GLI2: variants seen among roughly 807,000 people sequenced by gnomAD.
GLI2 encodes transcription activator GLI2.
Under a neutral mutation model 78.9 loss-of-function variants are expected in GLI2, and 22 were observed. That is an observed-to-expected ratio of 0.28 (90% CI 0.20 to 0.40). The LOEUF (loss-of-function observed/expected upper bound fraction) is 0.40, where lower values mean the gene tolerates loss of function less well. Among genes scored for constraint, GLI2 ranks in the 10% least tolerant of loss-of-function variants. The probability of loss-of-function intolerance (pLI) is 1.00; values close to 1 mark genes in which losing one functional copy is unlikely to be tolerated. For synonymous variants in GLI2, 974 were observed against 963.7 expected (o/e 1.01, Z -0.20); for missense variants, 2,097 against 2,213.2 (o/e 0.95, Z 1.05).
intron 2 of GLI2, among the ~76,000 whole-genome samples, chr2:120,887,861 G>A (rs1047706155): frequency 6.6e-5 from 10 of 152,192 alleles, no homozygotes; most frequent in Non-Finnish European, 1.5e-5. Context: ...GGATCCTAAC[G>A]CAGTGCTAGA....
chr2:120,803,675 T>G (rs1020362126), intron 2 of GLI2, among the ~76,000 whole-genome samples: 3 of 152,218 alleles, frequency 2.0e-5, no homozygotes, highest in Admixed American at 2.0e-4. Context: ...CTCTCTGACT[T>G]GGTCTTTTCC....
At chr2:120,792,134 A>G (rs1684179227) in intron 1 of GLI2, 1 of 152,226 alleles carries the variant, frequency 6.6e-6, no homozygotes, top group Non-Finnish European at 1.5e-5. Flanking sequence ...AGAGGAGTTC[A>G]AAGAAACCAG....
At chr2:120,914,717 G>A (rs574516082) in intron 2 of GLI2, among the ~76,000 whole-genome samples, 2 of 152,154 alleles carry the variant, frequency 1.3e-5, no homozygotes, top group African/African-American at 2.4e-5. Flanking sequence ...TGGCCACACC[G>A]GCACCCTTCG....
intron 5 of GLI2, among the ~76,000 whole-genome samples, chr2:120,966,531 C>G (rs181791662): frequency 6.6e-6 from 1 of 152,338 alleles, no homozygotes. Context: ...AGAGAAAACC[C>G]TGGAAGCCCC....
intron 2 of GLI2, among the ~76,000 whole-genome samples, chr2:120,848,856 C>T (rs1045721483): frequency 1.3e-5 from 2 of 152,124 alleles, no homozygotes; most frequent in African/African-American, 2.4e-5. Context: ...CTCTGGAGAG[C>T]GGAGCGGCAC....
intron 1 of GLI2, among the ~76,000 whole-genome samples, chr2:120,765,540 C>G (rs1558785498): frequency 6.6e-6 from 1 of 152,224 alleles, no homozygotes; most frequent in African/African-American, 2.4e-5. Context: ...GCTGACTGGG[C>G]AGGGACCTGG....
intron 1 of GLI2, among the ~76,000 whole-genome samples, chr2:120,755,015 C>A (rs1682998841): frequency 6.6e-6 from 1 of 152,078 alleles, no homozygotes; most frequent in African/African-American, 2.4e-5. Flanking sequence ...CCATGCCCAG[C>A]TAATTTTTGT....
At chr2:120,804,203 C>G (rs1684835730) in intron 2 of GLI2, among the ~76,000 whole-genome samples, 2 of 152,210 alleles carry the variant, frequency 1.3e-5, no homozygotes, top group African/African-American at 4.8e-5. Flanking sequence ...TCCCCTCCCA[C>G]CACCTGCCTT....
chr2:120,787,864 G>A (rs1684041297), intron 1 of GLI2, among the ~76,000 whole-genome samples: 1 of 152,146 alleles, frequency 6.6e-6, no homozygotes, highest in Admixed American at 6.5e-5. Flanking sequence ...GAACCGAGTG[G>A]AACAAGCACA....
intron 2 of GLI2, among the ~76,000 whole-genome samples, chr2:120,843,638 G>C (rs1372879462): frequency 1.3e-5 from 2 of 152,150 alleles, no homozygotes; most frequent in Admixed American, 6.5e-5. Context: ...CGTCAGAGGG[G>C]CTCTGGATCA....
At chr2:120,747,186 A>G (rs967387815) in intron 1 of GLI2, among the ~76,000 whole-genome samples, 2 of 152,356 alleles carry the variant, frequency 1.3e-5, no homozygotes, top group African/African-American at 4.8e-5. Context: ...ATGGAGTTCC[A>G]GCAGTATGTA....
chr2:120,873,639 C>T (rs1238745175), intron 2 of GLI2, among the ~76,000 whole-genome samples: 1 of 152,184 alleles, frequency 6.6e-6, no homozygotes, highest in East Asian at 1.9e-4. Context: ...TGGGGATCCC[C>T]AGGGCTCTGC....
chr2:120,955,363 C>A lies in GLI2; in HGVS notation c.576C>A (p.Asp192Glu). The change falls in exon 5 of 14, where the codon GAC becomes GAA. Residue 192 changes from aspartate to glutamate, a missense_variant. Transcript: ENST00000361492. Reference protein sequence around the residue: ...LVAGHPAPYGDLLMQSGGAAS... With the variant: ...LVAGHPAPYGELLMQSGGAAS... ...CAGGCCACCCCGCGCCCTACGGGGA[C>A]CTGCTGATGCAGAGCGGGGGCGCTG... is the stretch of plus-strand genomic sequence containing the variant. 6.2e-7 allele frequency: 1 copy of A among 1,613,426 alleles called. No homozygotes were observed. The highest frequency in any genetic ancestry group is 8.5e-7 in the Non-Finnish European group (1 of 1,179,642).
chr2:120,937,386 A>G (rs542003820), intron 3 of GLI2, among the ~76,000 whole-genome samples: 1 of 152,274 alleles, frequency 6.6e-6, no homozygotes, highest in East Asian at 1.9e-4. Flanking sequence ...CTCAAACTAC[A>G]TGCCCCTTCT....
Position 120,990,323 on chromosome 2 carries a change from G to A in GLI2, c.4358G>A (p.Arg1453Gln), listed in dbSNP as rs201680468. 16 of 1,613,804 alleles carry A rather than the reference G, an allele frequency of 9.9e-6. No homozygotes were observed. Among genetic ancestry groups the A allele is most frequent in the Middle Eastern group, 1.6e-4 (1 of 6,062 alleles). ...AACCTCGGGAGCTGCCAGGTCATGC[G>A]GTCCCAGCCACCACAGCCACAGGCC... ...LENLGSCQVM[R>Q]SQPPQPQACQ... Residue 1453 changes from arginine (R) to glutamine (Q), a missense_variant, in exon 14 of 14, where the codon CGG becomes CAG. By Grantham distance (43) the Arg-to-Gln change is conservative. Coordinates refer to ENST00000361492, the MANE Select transcript of GLI2 (RefSeq NM_001374353.1).
intron 2 of GLI2, among the ~76,000 whole-genome samples, chr2:120,877,761 A>T (rs1281828402): frequency 6.6e-6 from 1 of 152,180 alleles, no homozygotes; most frequent in African/African-American, 2.4e-5. Context: ...ACAATATACC[A>T]ACGTTTTCTG....
At chr2:120,894,968 A>G (rs1677873281) in intron 2 of GLI2, among the ~76,000 whole-genome samples, 1 of 151,584 alleles carries the variant, frequency 6.6e-6, no homozygotes, top group Non-Finnish European at 1.5e-5. Context: ...AAGTTCTGGG[A>G]TTACAGGCGT....
intron 5 of GLI2, among the ~76,000 whole-genome samples, chr2:120,958,748 G>A (rs902233599): frequency 6.6e-5 from 10 of 152,118 alleles, no homozygotes; most frequent in African/African-American, 1.9e-4. Flanking sequence ...TCCTGTGCAC[G>A]GTGCGCTAGG....
chr2:120,982,306 A>G (rs1390686311), intron 10 of GLI2, among the ~76,000 whole-genome samples: 1 of 152,258 alleles, frequency 6.6e-6, no homozygotes, highest in East Asian at 1.9e-4. Context: ...GCACAGGACA[A>G]TTCTAACCGA....
Sources: allele counts gnomAD v4.1 joint callset (sites outside exome capture counted in the v4.1 genomes callset), GRCh38; gene constraint gnomAD v4.1.1; transcripts MANE v1.5; gene names NCBI Gene and HGNC (gene_info 2026-07-23, HGNC 2026-07-21).